The following TPD52 variants were observed in gnomAD, a reference collection of about 807,000 sequenced individuals.
TPD52 encodes prostate and colon associated protein.
TPD52 carries 17 observed loss-of-function variants against 31.3 expected under a neutral mutation model. That is an observed-to-expected ratio of 0.54 (90% CI 0.37 to 0.82). The LOEUF (loss-of-function observed/expected upper bound fraction) is 0.82, where lower values mean the gene tolerates loss of function less well. TPD52 is among the 40% of genes least tolerant of loss of function. TPD52 has a pLI of 0.00. For missense variants in TPD52, 212 were observed against 240.1 expected (o/e 0.88, Z 0.77); for synonymous variants, 83 against 89.6 (o/e 0.93, Z 0.42).
intron 1 of TPD52, among the ~76,000 whole-genome samples, chr8:80,068,752 T>C (rs928349143): frequency 1.3e-5 from 2 of 152,176 alleles, no homozygotes; most frequent in African/African-American, 4.8e-5. Context: ...GATTCCCAGC[T>C]GAGAGTTCTA....
At chr8:80,045,816 T>C (rs910590887) in intron 5 of TPD52, among the ~76,000 whole-genome samples, 2 of 152,256 alleles carry the variant, frequency 1.3e-5, no homozygotes, top group African/African-American at 4.8e-5. Flanking sequence ...CACATTCTTC[T>C]TTTTAGGTGA....
At chr8:80,145,436 T>C (rs937455064) in intron 1 of TPD52, among the ~76,000 whole-genome samples, 1 of 152,208 alleles carries the variant, frequency 6.6e-6, no homozygotes, top group African/African-American at 2.4e-5. Flanking sequence ...CTGAAGAAGC[T>C]AGACTATGAA....
At chr8:80,171,269 A>G (rs1812070459) in intron 1 of TPD52, 156 bp downstream of exon 1, 1 of 946,712 alleles carries the variant, frequency 1.1e-6, no homozygotes, top group Admixed American at 2.0e-5. Flanking sequence ...CCAGGATGCC[A>G]GATCCGGATC....
intron 6 of TPD52, 85 bp from the exon 7 acceptor site, chr8:80,042,753 C>T: frequency 1.6e-6 from 2 of 1,234,818 alleles, no homozygotes; most frequent in Non-Finnish European, 2.3e-6. Flanking sequence ...GATTCCTCTT[C>T]AACATTATTC....
At chr8:80,131,162 G>A (rs1414427742) in intron 1 of TPD52, among the ~76,000 whole-genome samples, 1 of 152,142 alleles carries the variant, frequency 6.6e-6, no homozygotes, top group East Asian at 1.9e-4. Flanking sequence ...GGAGAGCCAA[G>A]AAGAAAGGCT....
At chr8:80,112,205 G>GTT (rs1232698762) in intron 1 of TPD52, among the ~76,000 whole-genome samples, 1 of 152,190 alleles carries the variant, frequency 6.6e-6, no homozygotes, top group Non-Finnish European at 1.5e-5. Flanking sequence ...TGTGTACCAG[G>GTT]TGATAAGCAG....
chr8:80,102,698 CGT>C (rs1201390076), intron 1 of TPD52, among the ~76,000 whole-genome samples: 8 of 152,182 alleles, frequency 5.3e-5, no homozygotes, highest in Non-Finnish European at 1.0e-4. Context: ...AGTGTCTTTG[CGT>C]ATTAATGAGA....
rs1563645004 is a variant in TPD52 at position 80,126,439 on chromosome 8, C to G, written c.19+44986G>C. On this transcript the variant is annotated intron_variant, in intron 1 of 7. Transcript: ENST00000518937. The stretch of plus-strand genomic sequence containing the variant: ...ACGCATCATTTCTCTCTGACTGAAA[C>G]AGTAAACAATGCTTTTGCTTTTGAA... Among the ~76,000 whole-genome samples the G allele has an allele frequency of 2.0e-5, 3 of 148,058 alleles. No individual in the cohort carries two copies. In the Admixed American group the frequency reaches 2.0e-4, roughly 10 times the overall value.
At chr8:80,087,643 C>T (rs577197970) in intron 1 of TPD52, among the ~76,000 whole-genome samples, 5 of 152,300 alleles carry the variant, frequency 3.3e-5, no homozygotes, top group South Asian at 2.1e-4. Context: ...AGGCACATAC[C>T]GGCTCCAGGC....
intron 1 of TPD52, among the ~76,000 whole-genome samples, chr8:80,155,740 A>G (rs1810921033): frequency 6.6e-6 from 1 of 152,012 alleles, no homozygotes; most frequent in African/African-American, 2.4e-5. Flanking sequence ...AAAATTAGCC[A>G]GGCATGGTGG....
At chr8:80,088,532 T>C (rs1169820051) in intron 1 of TPD52, among the ~76,000 whole-genome samples, 1 of 152,050 alleles carries the variant, frequency 6.6e-6, no homozygotes, top group African/African-American at 2.4e-5. Context: ...TAATTAGGAA[T>C]GGGAGGCCAA....
chr8:80,102,739 C>A (rs1296024474), intron 1 of TPD52, among the ~76,000 whole-genome samples: 2 of 152,062 alleles, frequency 1.3e-5, no homozygotes, highest in East Asian at 1.9e-4. Context: ...TCCTAGATAG[C>A]CTCAAGATGG....
chr8:80,153,603 C>T (rs1394827801), intron 1 of TPD52, among the ~76,000 whole-genome samples: 2 of 152,218 alleles, frequency 1.3e-5, no homozygotes, highest in Non-Finnish European at 2.9e-5. Context: ...ACATTTGAGA[C>T]TTGGTATTAT....
chr8:80,106,855 AC>A (rs1807163483), intron 1 of TPD52, among the ~76,000 whole-genome samples: 1 of 119,868 alleles, frequency 8.3e-6, no homozygotes. Flanking sequence ...AACATAAATA[AC>A]CTTTTTTTTT....
chr8:80,131,224 C>G (rs1808996418), intron 1 of TPD52, among the ~76,000 whole-genome samples: 1 of 152,146 alleles, frequency 6.6e-6, no homozygotes, highest in African/African-American at 2.4e-5. Flanking sequence ...TTGAAATATC[C>G]AGAATGGCTA....
At chr8:80,032,095 G>C (rs1809706589), downstream of TPD52, among the ~76,000 whole-genome samples, 1 of 147,742 alleles carries the variant, frequency 6.8e-6, no homozygotes, top group Non-Finnish European at 1.5e-5. Flanking sequence ...GGAGGTTGCA[G>C]TGAGCCAAGA....
intron 5 of TPD52, among the ~76,000 whole-genome samples, chr8:80,046,559 C>T (rs1224425762): frequency 6.6e-6 from 1 of 152,128 alleles, no homozygotes; most frequent in African/African-American, 2.4e-5. Context: ...AATATGGAAA[C>T]CTTCAAAAGT....
downstream of TPD52, among the ~76,000 whole-genome samples, chr8:80,033,892 G>C (rs1336263443): frequency 6.6e-6 from 1 of 152,064 alleles, no homozygotes; most frequent in Admixed American, 6.5e-5. Context: ...TAGAGTTCTC[G>C]CTCTGGGTTG....
At chr8:80,151,726 C>T (rs1236847650) in intron 1 of TPD52, among the ~76,000 whole-genome samples, 1 of 151,842 alleles carries the variant, frequency 6.6e-6, no homozygotes, top group African/African-American at 2.4e-5. Flanking sequence ...TTTCTTTGTT[C>T]CCTTATAAAA....
Sources: allele counts gnomAD v4.1 joint callset (sites outside exome capture counted in the v4.1 genomes callset), GRCh38; gene constraint gnomAD v4.1.1; transcripts MANE v1.5; gene names NCBI Gene and HGNC (gene_info 2026-07-23, HGNC 2026-07-21).